The following SUN3 variants were observed in gnomAD, a reference collection of about 807,000 sequenced individuals.
SUN3 encodes the protein Sad1 and UNC84 domain containing 3.
SUN3 carries 36 observed loss-of-function variants against 48.2 expected under a neutral mutation model. That is an observed-to-expected ratio of 0.75 (90% CI 0.57 to 0.99). The LOEUF (loss-of-function observed/expected upper bound fraction) is 0.99. Among genes scored for constraint, SUN3 ranks in the 50% least tolerant of loss-of-function variants. SUN3 has a pLI of 0.00. For synonymous variants in SUN3, 148 were observed against 147.9 expected, an observed-to-expected ratio of 1.00 and a Z score of 0.00; for missense variants, 419 against 433.1, an observed-to-expected ratio of 0.97 and a Z score of 0.29.
In SUN3 at chr7:48,017,849, C is replaced by T. The variant is rs547871144; in HGVS notation, c.185-484G>A. On this transcript the variant is annotated intron_variant, in intron 2 of 9. Transcript: ENST00000297325. ...CAGAAGCTGACCTGTGTTTATTCCACGCCTATAGCTTTCTAGGAAGTGGCA... is the reference window on the plus strand; with the variant it reads ...CAGAAGCTGACCTGTGTTTATTCCATGCCTATAGCTTTCTAGGAAGTGGCA... 4.6e-5 allele frequency among the ~76,000 whole-genome samples: 7 copies of T among 152,256 alleles called. No individual in the cohort carries two copies. The South Asian group carries it at 1.0e-3, about 23-fold the overall frequency.
At chr7:48,023,648 GA>G (rs1790060973) in intron 2 of SUN3, among the ~76,000 whole-genome samples, 3 of 152,134 alleles carry the variant, frequency 2.0e-5, no homozygotes, top group African/African-American at 7.2e-5. Context: ...CTGGCAGAAT[GA>G]ATTTAAAAAC....
upstream of SUN3, among the ~76,000 whole-genome samples, chr7:48,031,268 G>C (rs977350201): frequency 6.6e-6 from 1 of 152,218 alleles, no homozygotes; most frequent in African/African-American, 2.4e-5. Flanking sequence ...ATTGCCAACA[G>C]GCATGTGAAA....
At chr7:48,024,599 A>C (rs1790084520) in intron 2 of SUN3, among the ~76,000 whole-genome samples, 1 of 152,190 alleles carries the variant, frequency 6.6e-6, no homozygotes. Context: ...TAATTTATAA[A>C]GAAAAGAGGT....
chr7:48,015,281 T>C (rs962989689), intron 3 of SUN3, among the ~76,000 whole-genome samples: 4 of 152,218 alleles, frequency 2.6e-5, no homozygotes, highest in African/African-American at 9.6e-5. Context: ...TATCTGAGGC[T>C]GACCCTCTCT....
In SUN3 at chr7:48,028,479, CAAAAAAAAAAAA is replaced by C. The variant is rs55997019; in HGVS notation, c.122+326_122+337del. On this transcript the variant is annotated intron_variant, in intron 1 of 9. Coordinates refer to ENST00000297325, the MANE Select transcript of SUN3 (RefSeq NM_001030019.2). ...AAGACTATACAAGCTAGCCCAATGA[CAAAAAAAAAAAA>C]AAAAAAAAAAAAAAAAAGTGAATTA... 7.8e-3 allele frequency among the ~76,000 whole-genome samples: 353 copies of C among 45,292 alleles called. 5 individuals are homozygous for C. Among genetic ancestry groups the C allele is most frequent in the African/African-American group, 0.037 (330 of 8,958 alleles). The allele number at this position is 45,292 out of a possible 152,430, so 29.7% of individuals were successfully genotyped here. A position where few individuals can be genotyped will look rare whatever the true frequency, so the allele number is the denominator to read the frequency against.
chr7:48,021,481 G>A (rs1168468231), intron 2 of SUN3, among the ~76,000 whole-genome samples: 3 of 151,404 alleles, frequency 2.0e-5, no homozygotes, highest in African/African-American at 7.3e-5. Context: ...CCCACAGAAT[G>A]GGAGAAAATA....
At position 48,028,797 on chromosome 7, in the gene SUN3, G is replaced by C. The variant is rs768143645; in HGVS notation, c.122+20C>G. On this transcript the variant is annotated intron_variant, in intron 1 of 9. Transcript: ENST00000297325. ...TAAAACCTACAATTTCAGGCACACC[G>C]TTCTGCCATGTTTACCTACCCATTC... The C allele has an allele frequency of 1.2e-6, 2 of 1,612,176 alleles. No homozygotes were observed. The highest frequency in any genetic ancestry group is 4.5e-5 in the East Asian group (2 of 44,816).
intron 3 of SUN3, among the ~76,000 whole-genome samples, chr7:48,016,280 A>T (rs1049122340): frequency 6.6e-6 from 1 of 152,182 alleles, no homozygotes; most frequent in Non-Finnish European, 1.5e-5. Flanking sequence ...AACTATCTTT[A>T]AAAACTCTGA....
the SUN3 span, chr7:48,035,693 G>A: frequency 3.2e-5 from 19 of 599,690 alleles, no homozygotes; most frequent in South Asian, 3.6e-4. The surrounding 1 kb of genome is among the most constrained non-coding windows in gnomAD (Gnocchi z 4.0). Context: ...CTTGTCCACT[G>A]TGCGGAGCTC....
chr7:47,996,261 G>A (rs559481292), intron 6 of SUN3, 115 bp from the exon 7 acceptor site: 11 of 588,294 alleles, frequency 1.9e-5, no homozygotes, highest in Admixed American at 1.9e-4. Flanking sequence ...TATAAGCGAG[G>A]TAAAATTCAT....
intron 6 of SUN3, among the ~76,000 whole-genome samples, chr7:48,004,272 G>A (rs1303478489): frequency 1.3e-5 from 2 of 152,160 alleles, no homozygotes; most frequent in Admixed American, 6.5e-5. Context: ...ATTGTGATTT[G>A]TACCCTAGAC....
intron 6 of SUN3, among the ~76,000 whole-genome samples, chr7:48,003,748 A>C (rs2128775152): frequency 6.6e-6 from 1 of 152,288 alleles, no homozygotes; most frequent in Non-Finnish European, 1.5e-5. Context: ...ATTTTTGCAC[A>C]TTGATTTTGC....
At chr7:48,031,908 T>G (rs902628794), upstream of SUN3, among the ~76,000 whole-genome samples, 4 of 149,114 alleles carry the variant, frequency 2.7e-5, no homozygotes, top group African/African-American at 1.0e-4. Context: ...AGAAAGAGAA[T>G]GGAATATTAT....
At chr7:47,990,190 A>C (rs1180953448) in intron 8 of SUN3, among the ~76,000 whole-genome samples, 1 of 152,118 alleles carries the variant, frequency 6.6e-6, no homozygotes, top group South Asian at 2.1e-4. Flanking sequence ...TGGGCAATGG[A>C]ATGTCTCGGT....
chr7:47,989,790 T>C (rs1377943060), intron 8 of SUN3, among the ~76,000 whole-genome samples: 1 of 152,216 alleles, frequency 6.6e-6, no homozygotes, highest in African/African-American at 2.4e-5. Flanking sequence ...GAGATGCTGT[T>C]AATTTGTAAC....
chr7:48,005,850 T>TAC, intron 6 of SUN3, 119 bp downstream of exon 6: 1 of 448,876 alleles, frequency 2.2e-6, no homozygotes, highest in Non-Finnish European at 4.0e-6. Flanking sequence ...TTGATTAATT[T>TAC]CCCCCCCCCA....
At chr7:48,013,828 AG>A (rs1206892665) in intron 3 of SUN3, among the ~76,000 whole-genome samples, 1 of 152,188 alleles carries the variant, frequency 6.6e-6, no homozygotes, top group Non-Finnish European at 1.5e-5. Flanking sequence ...CGTAGAAATA[AG>A]TTAAAATCAG....
chr7:48,023,661 T>A lies in SUN3; in HGVS notation c.184+2216A>T, dbSNP rs538012589. On this transcript the variant is annotated intron_variant, in intron 2 of 9. Transcript: ENST00000297325. ...GGCTGGCAGAATGAATTTAAAAACA[T>A]GATTCAACTATATGCTGCTTACAAG... Among the ~76,000 whole-genome samples, 6 of 152,300 alleles carry A rather than the reference T, an allele frequency of 3.9e-5. No individual in the cohort carries two copies. In the South Asian group the frequency reaches 1.2e-3, roughly 32 times the overall value.
chr7:48,019,020 A>G (rs1789893328), intron 2 of SUN3, among the ~76,000 whole-genome samples: 1 of 152,226 alleles, frequency 6.6e-6, no homozygotes. Flanking sequence ...CTGAAGCTGA[A>G]AGAGGAATAA....
Sources: allele counts gnomAD v4.1 joint callset (sites outside exome capture counted in the v4.1 genomes callset), GRCh38; gene constraint gnomAD v4.1.1; non-coding constraint Gnocchi (gnomAD v3.1); transcripts MANE v1.5; gene names NCBI Gene and HGNC (gene_info 2026-07-23, HGNC 2026-07-21).